The following HRH2 variants were observed in gnomAD, a reference collection of about 807,000 sequenced individuals.
HRH2 encodes the protein histamine receptor H2.
In HRH2, 4 loss-of-function variants were observed where a neutral mutation model predicts 20.1. The observed-to-expected ratio is 0.20, with a 90% CI of 0.10 to 0.45. The LOEUF is 0.45. HRH2 is among the 20% of genes least tolerant of loss of function. HRH2 has a pLI of 0.99. For synonymous variants in HRH2, 197 were observed against 200.7 expected, an observed-to-expected ratio of 0.98 and a Z score of 0.16; for missense variants, 250 against 461.6, an observed-to-expected ratio of 0.54 and a Z score of 4.20.
chr5:175,708,218 G>T lies in HRH2; in HGVS notation c.*247G>T. The stretch of plus-strand genomic sequence containing the variant: ...GTGGGCTGAATCCCATGGGTTCAAA[G>T]CTCACGTTGGTGCTGGCCCTGGGAG... On this transcript the variant is annotated 3_prime_UTR_variant, in exon 3 of 3. Transcript: ENST00000636584. 2.8e-6 allele frequency: 1 copy of T among 352,670 alleles called. No homozygotes were observed. The highest frequency in any genetic ancestry group is 5.1e-6 in the Non-Finnish European group (1 of 197,326). The allele number at this position is 352,670 out of a possible 1,614,324, so 21.8% of individuals were successfully genotyped here. A position where few individuals can be genotyped will look rare whatever the true frequency, so the allele number is the denominator to read the frequency against.
chr5:175,680,806 G>A (rs935263242), intron 1 of HRH2, among the ~76,000 whole-genome samples: 1 of 152,158 alleles, frequency 6.6e-6, no homozygotes, highest in Non-Finnish European at 1.5e-5. Flanking sequence ...AGCAGAAGTG[G>A]TGCTTCTTTG....
intron 1 of HRH2, among the ~76,000 whole-genome samples, chr5:175,671,000 A>G (rs747684774): frequency 6.6e-6 from 1 of 152,264 alleles, no homozygotes; most frequent in Non-Finnish European, 1.5e-5. Context: ...AATGGCGCAC[A>G]TGGGGTTAAT....
chr5:175,669,859 G>A (rs191723134), intron 1 of HRH2, among the ~76,000 whole-genome samples: 1 of 152,318 alleles, frequency 6.6e-6, no homozygotes, highest in East Asian at 1.9e-4. Flanking sequence ...CCCTTTTAAT[G>A]CTTTCAAAGA....
chr5:175,660,441 G>A (rs887713598), intron 1 of HRH2, among the ~76,000 whole-genome samples: 1 of 152,196 alleles, frequency 6.6e-6, no homozygotes, highest in African/African-American at 2.4e-5. Flanking sequence ...ATGGAAACAT[G>A]TTTTGCATTG....
rs943895026 is a variant in HRH2, at chr5:175,703,573, G to A, written c.1077-4206G>A. On this transcript the variant is annotated intron_variant, in intron 2 of 2. Coordinates refer to ENST00000636584, the MANE Select transcript of HRH2 (RefSeq NM_001367711.1). ...AAGAAAGGAAACAGTAGAGACAAAGGAAGAAATTAATGAAACAGAAGACAA... is the reference window on the plus strand; with the variant it reads ...AAGAAAGGAAACAGTAGAGACAAAGAAAGAAATTAATGAAACAGAAGACAA... Among the ~76,000 whole-genome samples the A allele has an allele frequency of 3.3e-5, 5 of 152,140 alleles. 1 individual carries two copies. The South Asian group carries it at 8.3e-4, about 25-fold the overall frequency.
At chr5:175,661,973 G>C (rs10476163) in intron 1 of HRH2, among the ~76,000 whole-genome samples, 20,417 of 152,104 alleles carry the variant, frequency 0.13, 1,595 homozygotes, top group Middle Eastern at 0.22. Context: ...AGTGAGCCAA[G>C]ATTGTGCCAC....
rs946635201 is a variant in HRH2, at chr5:175,681,341, C to A, written c.-525-1368C>A. Among the ~76,000 whole-genome samples the A allele has an allele frequency of 2.6e-4, 40 of 152,224 alleles. No individual in the cohort carries two copies. The highest frequency in any genetic ancestry group is 9.4e-4 in the African/African-American group (39 of 41,444). On this transcript the variant is annotated intron_variant, in intron 1 of 2. Transcript: ENST00000636584. The surrounding 1 kb of genome is among the most constrained non-coding windows in gnomAD (Gnocchi z 4.3). ...GTGATTAAATGATGCTTCTCATATT[C>A]AGGTTGCAAACCGCTCCAGGCAAGA...
At chr5:175,671,994 CTG>C (rs1755561857) in intron 1 of HRH2, among the ~76,000 whole-genome samples, 1 of 152,120 alleles carries the variant, frequency 6.6e-6, no homozygotes, top group Non-Finnish European at 1.5e-5. Context: ...ATGAGGAGCA[CTG>C]TGTTTTGTTT....
At chr5:175,706,916 G>A (rs543200069) in intron 2 of HRH2, among the ~76,000 whole-genome samples, 1 of 152,282 alleles carries the variant, frequency 6.6e-6, no homozygotes, top group East Asian at 1.9e-4. Flanking sequence ...TGATTCCCTT[G>A]GTGGCCGAGG....
rs17065318 is a variant in HRH2 at position 175,688,993 on chromosome 5, C to A, written c.1076+4684C>A. Among the ~76,000 whole-genome samples the A allele has an allele frequency of 9.5e-3, 1,452 of 152,250 alleles. 29 individuals carry two copies. The highest frequency in any genetic ancestry group is 0.033 in the African/African-American group (1,369 of 41,554). On this transcript the variant is annotated intron_variant, in intron 2 of 2. Transcript: ENST00000636584. ...TGCCTGCACAGTCCCTGGGCCTTTG[C>A]CTGTGGCTTCAATACTCCTGATGCC...
At chr5:175,691,147 T>A (rs2113534139) in intron 2 of HRH2, 1 of 151,272 alleles carries the variant, frequency 6.6e-6, no homozygotes, top group East Asian at 1.9e-4. Flanking sequence ...GGCCTGCACT[T>A]CTGCACAGCG....
chr5:175,695,352 C>T (rs1561737892), intron 2 of HRH2, among the ~76,000 whole-genome samples: 1 of 152,056 alleles, frequency 6.6e-6, no homozygotes, highest in Non-Finnish European at 1.5e-5. Context: ...AAAGTTGTTA[C>T]AAGGATTAAA....
chr5:175,683,449 G>T lies in HRH2; in HGVS notation c.216G>T (p.Leu72=), dbSNP rs1384787309. The change falls in exon 2 of 3, where the codon CTG becomes CTT. Residue 72 remains leucine (L), a synonymous_variant. Coordinates refer to ENST00000636584, the MANE Select transcript of HRH2 (RefSeq NM_001367711.1). ...ACCTGCTCCTCGGCCTCCTGGTGCT[G>T]CCCTTCTCTGCCATCTACCAGCTGT... ...ITDLLLGLLV[L]PFSAIYQLSC... is the part of the protein sequence containing the mutation. 1 of 1,614,078 alleles carries T rather than the reference G, an allele frequency of 6.2e-7. No individual in the cohort carries two copies. Among genetic ancestry groups the T allele is most frequent in the African/African-American group, 1.3e-5 (1 of 74,936 alleles).
chr5:175,700,290 A>T (rs1233050757), intron 2 of HRH2, among the ~76,000 whole-genome samples: 1 of 152,372 alleles, frequency 6.6e-6, no homozygotes, highest in East Asian at 1.9e-4. Context: ...TACCGGAGAC[A>T]GCCGGGGAGA....
In HRH2 at chr5:175,691,734, T is replaced by C. The variant is rs570135492; in HGVS notation, c.1076+7425T>C. 1.6e-4 allele frequency among the ~76,000 whole-genome samples: 24 copies of C among 151,170 alleles called. 1 individual carries two copies. In the East Asian group the frequency reaches 4.5e-3, roughly 28 times the overall value. On this transcript the variant is annotated intron_variant, in intron 2 of 2. Coordinates refer to ENST00000636584, the MANE Select transcript of HRH2 (RefSeq NM_001367711.1). Reference sequence around the variant, plus strand: ...CCCATCTCTACTAAAAATACAAAAATTAGCTGGGCGTGGTGGCATGTGCCT... The same window carrying C: ...CCCATCTCTACTAAAAATACAAAAACTAGCTGGGCGTGGTGGCATGTGCCT...
chr5:175,682,078 T>C (rs944160036), intron 1 of HRH2, among the ~76,000 whole-genome samples: 3 of 152,238 alleles, frequency 2.0e-5, no homozygotes, highest in Non-Finnish European at 4.4e-5. Flanking sequence ...TACTGAAGTT[T>C]TGTTGGAGTG....
At chr5:175,689,075 C>T (rs1756274942) in intron 2 of HRH2, among the ~76,000 whole-genome samples, 1 of 152,212 alleles carries the variant, frequency 6.6e-6, no homozygotes. Flanking sequence ...TTCTTCTGTC[C>T]CTCAATCAGC....
intron 2 of HRH2, chr5:175,685,549 G>T (rs757025014): frequency 2.0e-5 from 29 of 1,437,746 alleles, no homozygotes; most frequent in Non-Finnish European, 2.5e-5. Flanking sequence ...ATGTAGAAAT[G>T]AGATTTTTTG....
At chr5:175,688,508 G>A (rs1273330144) in intron 2 of HRH2, among the ~76,000 whole-genome samples, 1 of 152,236 alleles carries the variant, frequency 6.6e-6, no homozygotes, top group South Asian at 2.1e-4. Flanking sequence ...GAAAGGCTGA[G>A]GCCCTCTTCT....
Sources: allele counts gnomAD v4.1 joint callset (sites outside exome capture counted in the v4.1 genomes callset), GRCh38; gene constraint gnomAD v4.1.1; non-coding constraint Gnocchi (gnomAD v3.1); transcripts MANE v1.5; gene names NCBI Gene and HGNC (gene_info 2026-07-23, HGNC 2026-07-21).